MBOAT2: variants seen among roughly 807,000 people sequenced by gnomAD.
The protein encoded by MBOAT2 is membrane bound glycerophospholipid O-acyltransferase 2, also known as membrane-bound glycerophospholipid O-acyltransferase 2.
A neutral mutation model predicts 63.4 loss-of-function variants in MBOAT2; 28 were observed. The observed-to-expected ratio is 0.44, with a 90% CI of 0.33 to 0.61. The LOEUF is 0.61. MBOAT2 is among the 20% of genes least tolerant of loss of function. MBOAT2 has a pLI of 0.03. For synonymous variants in MBOAT2, 211 were observed against 215.6 expected (o/e 0.98, Z 0.19); for missense variants, 470 against 605.8 (o/e 0.78, Z 2.35).
intron 1 of MBOAT2, among the ~76,000 whole-genome samples, chr2:8,959,097 C>T (rs1043172230): frequency 2.6e-5 from 4 of 152,174 alleles, no homozygotes; most frequent in Admixed American, 6.5e-5. Context: ...ACTATAAGGG[C>T]ACCAGGGCCT....
intron 3 of MBOAT2, among the ~76,000 whole-genome samples, chr2:8,921,230 A>G (rs571754213): frequency 2.0e-5 from 3 of 152,204 alleles, no homozygotes; most frequent in African/African-American, 7.2e-5. Flanking sequence ...GATTCTTTCA[A>G]TGTATACTTT....
At position 8,871,058 on chromosome 2, in the gene MBOAT2, G is replaced by A. The variant is rs1000751046; in HGVS notation, c.883+2050C>T. ...TACCCAGGCTGGAGTGTAATGGTGC[G>A]ATCACAGCTCACTGCAGCCTCAACT... On this transcript the variant is annotated intron_variant, in intron 8 of 12. Coordinates refer to ENST00000305997, the MANE Select transcript of MBOAT2 (RefSeq NM_138799.4). 5.3e-5 allele frequency among the ~76,000 whole-genome samples: 8 copies of A among 151,978 alleles called. No individual in the cohort carries two copies. The East Asian group carries it at 5.8e-4, about 11-fold the overall frequency.
chr2:8,943,729 T>C (rs1261598135), intron 2 of MBOAT2, among the ~76,000 whole-genome samples: 2 of 152,212 alleles, frequency 1.3e-5, no homozygotes, highest in East Asian at 3.8e-4. Context: ...AAGTGCTAAA[T>C]ATTAGAATTT....
intron 4 of MBOAT2, among the ~76,000 whole-genome samples, chr2:8,899,551 G>C (rs994895105): frequency 6.6e-6 from 1 of 152,202 alleles, no homozygotes; most frequent in Non-Finnish European, 1.5e-5. Flanking sequence ...GGCACCCTCA[G>C]TCCTGTTGTT....
At chr2:8,860,062 C>T (rs1357556582) in intron 12 of MBOAT2, among the ~76,000 whole-genome samples, 1 of 151,630 alleles carries the variant, frequency 6.6e-6, no homozygotes, top group Non-Finnish European at 1.5e-5. Context: ...GTGGTGGGTG[C>T]CTGTAATCCC....
chr2:8,963,461 G>C (rs1233488200), intron 1 of MBOAT2, among the ~76,000 whole-genome samples: 1 of 151,894 alleles, frequency 6.6e-6, no homozygotes, highest in Non-Finnish European at 1.5e-5. Context: ...GCACTACCAC[G>C]CCCGGCTAAT....
chr2:9,001,429 G>A (rs1375638830), intron 1 of MBOAT2, among the ~76,000 whole-genome samples: 1 of 152,154 alleles, frequency 6.6e-6, no homozygotes, highest in Non-Finnish European at 1.5e-5. Flanking sequence ...GTGGTGCTAC[G>A]ACATGACAAT....
chr2:8,898,905 GATAAGTCTAAGAT>G (rs1367053950), intron 4 of MBOAT2, among the ~76,000 whole-genome samples: 3 of 152,338 alleles, frequency 2.0e-5, no homozygotes, highest in Admixed American at 6.5e-5. Context: ...CTGCCTCATT[GATAAGTCTAAGAT>G]CTTGCACTAG....
intron 2 of MBOAT2, among the ~76,000 whole-genome samples, chr2:8,944,302 G>A (rs1351077036): frequency 6.6e-6 from 1 of 152,132 alleles, no homozygotes; most frequent in African/African-American, 2.4e-5. Context: ...CCTAATTTAT[G>A]CATGTCCGTG....
Position 8,896,188 on chromosome 2 carries a change from G to A in MBOAT2, c.396-8115C>T, listed in dbSNP as rs190513132. 3.1e-4 allele frequency among the ~76,000 whole-genome samples: 46 copies of A among 146,708 alleles called. No homozygotes were observed. In the East Asian group the frequency reaches 5.6e-3, roughly 18 times the overall value. On this transcript the variant is annotated intron_variant, in intron 4 of 12. Coordinates refer to ENST00000305997, the MANE Select transcript of MBOAT2 (RefSeq NM_138799.4). ...CGGGAGGTGGAGCTTGCAGTGAGCC[G>A]AGATCGAGCCATTGCTCTCCAGCCT...
intron 3 of MBOAT2, among the ~76,000 whole-genome samples, chr2:8,941,974 A>C (rs191933726): frequency 4.1e-4 from 63 of 152,376 alleles, no homozygotes; most frequent in African/African-American, 1.5e-3. Context: ...TCAGATATTA[A>C]TTGTAGCATC....
intron 1 of MBOAT2, among the ~76,000 whole-genome samples, chr2:8,996,470 C>T (rs533342649): frequency 1.6e-4 from 24 of 152,276 alleles, no homozygotes; most frequent in Non-Finnish European, 1.9e-4. Flanking sequence ...TTCTGTGCCC[C>T]CAAAGCACCA....
chr2:8,994,822 A>G (rs1672159486), intron 1 of MBOAT2, among the ~76,000 whole-genome samples: 1 of 152,252 alleles, frequency 6.6e-6, no homozygotes, highest in Admixed American at 6.5e-5. Context: ...ATTGAAAAAT[A>G]CGGATCTGCC....
At chr2:8,889,618 T>C (rs1325797281) in intron 4 of MBOAT2, among the ~76,000 whole-genome samples, 1 of 152,194 alleles carries the variant, frequency 6.6e-6, no homozygotes, top group African/African-American at 2.4e-5. Flanking sequence ...TCCATTTCCC[T>C]GGGGGAGAGA....
At chr2:8,909,426 C>A (rs898522585) in intron 3 of MBOAT2, among the ~76,000 whole-genome samples, 1 of 151,766 alleles carries the variant, frequency 6.6e-6, no homozygotes, top group Non-Finnish European at 1.5e-5. Context: ...CATCTCACAC[C>A]GAAACAATTC....
intron 8 of MBOAT2, 65 bp from the exon 9 acceptor site, chr2:8,868,614 GAAGGTATGTGTTATTATATC>G: frequency 7.8e-7 from 1 of 1,277,240 alleles, no homozygotes; most frequent in Non-Finnish European, 1.1e-6. Flanking sequence ...TATTCTCCCA[GAAGGTATGTGTTATTATATC>G]TTTTATTCTT....
At chr2:8,961,149 T>C (rs1180129532) in intron 1 of MBOAT2, among the ~76,000 whole-genome samples, 1 of 152,324 alleles carries the variant, frequency 6.6e-6, no homozygotes, top group East Asian at 1.9e-4. Flanking sequence ...AACCACTCAA[T>C]AGAAAACTGG....
intron 1 of MBOAT2, among the ~76,000 whole-genome samples, chr2:8,962,399 A>G (rs1669677643): frequency 6.6e-6 from 1 of 152,226 alleles, no homozygotes; most frequent in Admixed American, 6.5e-5. Context: ...CCTTCTGGGT[A>G]GACAGAGGAT....
chr2:8,995,589 C>CTTT (rs1402516555), intron 1 of MBOAT2, among the ~76,000 whole-genome samples: 3 of 145,600 alleles, frequency 2.1e-5, no homozygotes, highest in Non-Finnish European at 3.0e-5. Flanking sequence ...AAATACATTC[C>CTTT]ATTTTTTTTT....
Sources: gnomAD v4.1 joint callset for allele counts (sites outside exome capture counted in the v4.1 genomes callset) on GRCh38, gnomAD v4.1.1 for gene constraint, MANE v1.5 for transcripts, NCBI Gene and HGNC (gene_info 2026-07-23, HGNC 2026-07-21) for gene names.